The following RGS6 variants were observed in gnomAD, a reference collection of about 807,000 sequenced individuals.
RGS6 encodes the protein regulator of G-protein signaling 6.
Under a neutral mutation model 78.5 loss-of-function variants are expected in RGS6, and 30 were observed. The observed-to-expected ratio is 0.38, with a 90% confidence interval of 0.29 to 0.52. RGS6 has a LOEUF of 0.52. Among genes scored for constraint, RGS6 ranks in the 20% least tolerant of loss-of-function variants. The pLI is 0.85. For synonymous variants in RGS6, 206 were observed against 206.0 expected (o/e 1.00, Z 0.00); for missense variants, 495 against 609.7 (o/e 0.81, Z 1.98).
rs143787871 is a variant in RGS6 at position 72,563,772 on chromosome 14, T to C, written c.*1305T>C. The C allele has an allele frequency of 2.1e-4, 32 of 152,288 alleles. No homozygotes were observed. Among genetic ancestry groups the C allele is most frequent in the African/African-American group, 7.2e-4 (30 of 41,556 alleles). 9.4% of individuals were successfully genotyped at this position (152,288 alleles called of 1,614,324 possible). A position where few individuals can be genotyped will look rare whatever the true frequency, so the allele number is the denominator to read the frequency against. On this transcript the variant is annotated 3_prime_UTR_variant, in exon 18 of 18. Transcript: ENST00000553525. ...AAACGGTAGCTAATACTATCATCAT[T>C]GTCATTGTTATTGTGACACCCATGA...
At chr14:72,528,439 CTGAG>C (rs1007158942) in intron 15 of RGS6, among the ~76,000 whole-genome samples, 1 of 152,162 alleles carries the variant, frequency 6.6e-6, no homozygotes, top group African/African-American at 2.4e-5. Context: ...CCTCCCACTG[CTGAG>C]GACTCTGGCT....
At position 71,971,564 on chromosome 14, in the gene RGS6, T is replaced by A. The variant is rs199662726; in HGVS notation, c.84+6689T>A. The stretch of plus-strand genomic sequence containing the variant: ...GTGGTTCCAGTTTGTATTTGTTATC[T>A]CTTGCTGTGTAACGAGTTATCTCAA... On this transcript the variant is annotated intron_variant, in intron 2 of 17. Coordinates refer to ENST00000553525, the MANE Select transcript of RGS6 (RefSeq NM_001204424.2). 4.6e-5 allele frequency among the ~76,000 whole-genome samples: 7 copies of A among 152,364 alleles called. No homozygotes were observed. The East Asian group carries it at 1.3e-3, about 29-fold the overall frequency.
chr14:72,522,548 C>T (rs191597476), intron 15 of RGS6, among the ~76,000 whole-genome samples: 9 of 152,252 alleles, frequency 5.9e-5, no homozygotes, highest in East Asian at 3.9e-4. Context: ...CACAACTATT[C>T]GATTCTGCAT....
intron 3 of RGS6, among the ~76,000 whole-genome samples, chr14:72,408,246 C>T (rs1034350575): frequency 3.9e-5 from 6 of 152,142 alleles, no homozygotes; most frequent in African/African-American, 1.4e-4. Flanking sequence ...TACTAAGATC[C>T]ACAGACCCCT....
At chr14:72,182,184 C>A (rs1017193872) in intron 2 of RGS6, among the ~76,000 whole-genome samples, 1 of 151,836 alleles carries the variant, frequency 6.6e-6, no homozygotes, top group Non-Finnish European at 1.5e-5. Context: ...CCGAGGTGGG[C>A]GGATCATGCG....
rs149365134 is a variant in RGS6 at position 72,411,154 on chromosome 14, C to G, written c.185-43374C>G. ...GGTTGGCATTGAATCTATAAATCAC[C>G]TTGGGCGGTATGGCCATTTTCACGA... is the stretch of plus-strand genomic sequence containing the variant. On this transcript the variant is annotated intron_variant, in intron 3 of 17. Transcript: ENST00000553525. Among the ~76,000 whole-genome samples the G allele has an allele frequency of 3.9e-4, 59 of 152,232 alleles. No individual in the cohort carries two copies. The East Asian group carries it at 0.011, about 29-fold the overall frequency.
intron 3 of RGS6, among the ~76,000 whole-genome samples, chr14:72,368,321 C>A (rs1413105644): frequency 1.3e-5 from 2 of 152,280 alleles, no homozygotes; most frequent in East Asian, 3.9e-4. Context: ...ATGCTTCTCA[C>A]TTTTTCTCAA....
the RGS6 span, among the ~76,000 whole-genome samples, chr14:72,608,501 TG>T: frequency 6.6e-6 from 1 of 152,132 alleles, no homozygotes; most frequent in African/African-American, 2.4e-5. Flanking sequence ...GGCTTCTAGA[TG>T]GGTCCTGCAC....
chr14:71,966,848 G>A (rs2153057970), intron 2 of RGS6, among the ~76,000 whole-genome samples: 1 of 152,112 alleles, frequency 6.6e-6, no homozygotes, highest in South Asian at 2.1e-4. Flanking sequence ...AAGTTGTCTA[G>A]AGCAAATTTA....
At chr14:72,315,019 T>C (rs893401645) in intron 2 of RGS6, among the ~76,000 whole-genome samples, 2 of 152,252 alleles carry the variant, frequency 1.3e-5, no homozygotes, top group African/African-American at 4.8e-5. Flanking sequence ...CCCACTCTGC[T>C]GCTCTTCAAA....
At chr14:72,058,806 AATATT>A (rs1370253695) in intron 2 of RGS6, among the ~76,000 whole-genome samples, 5 of 152,226 alleles carry the variant, frequency 3.3e-5, no homozygotes, top group Admixed American at 1.3e-4. Context: ...GATTATTGTG[AATATT>A]ATATTAGACT....
At chr14:72,351,598 A>G (rs928960478) in intron 2 of RGS6, among the ~76,000 whole-genome samples, 2 of 152,098 alleles carry the variant, frequency 1.3e-5, no homozygotes, top group African/African-American at 4.8e-5. Flanking sequence ...GTTACTCTAG[A>G]TGTATCCTTC....
chr14:72,306,675 A>G lies in RGS6; in HGVS notation c.85-45420A>G, dbSNP rs182918510. ...CTGCAAATGAGGTGGAAATAGCAAA[A>G]GAACTAGAATTAGAAGCAGAGCCTG... On this transcript the variant is annotated intron_variant, in intron 2 of 17. Coordinates refer to ENST00000553525, the MANE Select transcript of RGS6 (RefSeq NM_001204424.2). Among the ~76,000 whole-genome samples the G allele has an allele frequency of 2.6e-3, 390 of 152,332 alleles. 2 individuals carry two copies. Among genetic ancestry groups the G allele is most frequent in the Admixed American group, 7.1e-3 (108 of 15,294 alleles).
chr14:72,619,315 G>A, the RGS6 span: 3 of 1,536,024 alleles, frequency 2.0e-6, no homozygotes, highest in African/African-American at 4.1e-5. Context: ...GGCAGCCAAA[G>A]GCTGAGGCTT....
the RGS6 span, among the ~76,000 whole-genome samples, chr14:72,623,270 A>G: frequency 6.6e-6 from 1 of 152,234 alleles, no homozygotes; most frequent in Non-Finnish European, 1.5e-5. Flanking sequence ...AGAACCAATA[A>G]ATATTTTACA....
intron 2 of RGS6, among the ~76,000 whole-genome samples, chr14:72,159,456 G>A (rs1454848561): frequency 6.6e-6 from 1 of 152,126 alleles, no homozygotes; most frequent in Admixed American, 6.5e-5. Flanking sequence ...TTTGCCTCTT[G>A]GCCTCTCAGT....
chr14:72,263,229 T>C (rs1204091029), intron 2 of RGS6, among the ~76,000 whole-genome samples: 1 of 152,214 alleles, frequency 6.6e-6, no homozygotes, highest in African/African-American at 2.4e-5. Context: ...AATTGTATAA[T>C]TGATAGTCCA....
the RGS6 span, among the ~76,000 whole-genome samples, chr14:71,910,946 GATTTT>G: frequency 6.6e-6 from 1 of 152,118 alleles, no homozygotes; most frequent in African/African-American, 2.4e-5. Flanking sequence ...CTGTTGGTAT[GATTTT>G]ATTTGACTTC....
the RGS6 span, among the ~76,000 whole-genome samples, chr14:71,882,347 T>C: frequency 6.6e-6 from 1 of 152,252 alleles, no homozygotes; most frequent in African/African-American, 2.4e-5. Flanking sequence ...GGTTTATCCA[T>C]TCATGTGTTG....
Sources: gnomAD v4.1 joint callset for allele counts (sites outside exome capture counted in the v4.1 genomes callset) on GRCh38, gnomAD v4.1.1 for gene constraint, MANE v1.5 for transcripts, NCBI Gene and HGNC (gene_info 2026-07-23, HGNC 2026-07-21) for gene names.